The following PALS2 variants were observed in gnomAD, a reference collection of about 807,000 sequenced individuals.
PALS2 encodes protein PALS2.
A neutral mutation model predicts 61.6 loss-of-function variants in PALS2; 27 were observed. The ratio of observed to expected loss-of-function variants is 0.44; its 90% CI spans 0.32 to 0.60. The LOEUF (loss-of-function observed/expected upper bound fraction) is 0.60, where lower values mean the gene tolerates loss of function less well. Ranked by LOEUF, PALS2 falls within the 20% of genes least tolerant of loss-of-function variation. The probability of loss-of-function intolerance (pLI) is 0.05; values close to 1 mark genes in which losing one functional copy is unlikely to be tolerated. For synonymous variants in PALS2, 236 were observed against 218.6 expected (o/e 1.08, Z -0.70); for missense variants, 554 against 639.4 (o/e 0.87, Z 1.44).
At chr7:24,611,812 G>C (rs1005877344) in intron 1 of PALS2, among the ~76,000 whole-genome samples, 3 of 151,820 alleles carry the variant, frequency 2.0e-5, no homozygotes, top group Non-Finnish European at 3.0e-5. Context: ...GGTAATACTG[G>C]TATGTTTAAA....
intron 1 of PALS2, chr7:24,620,057 A>C (rs1262070100): frequency 6.6e-6 from 1 of 152,170 alleles, no homozygotes; most frequent in Non-Finnish European, 1.5e-5. Context: ...TATAGGACTA[A>C]ATCATTTTGC....
intron 5 of PALS2, among the ~76,000 whole-genome samples, chr7:24,659,268 A>G (rs1397881073): frequency 6.6e-6 from 1 of 152,132 alleles, no homozygotes; most frequent in Non-Finnish European, 1.5e-5. Flanking sequence ...GCCTAGGTTG[A>G]TTTCATATCT....
At chr7:24,667,797 T>G (rs1787105440) in intron 8 of PALS2, among the ~76,000 whole-genome samples, 1 of 151,590 alleles carries the variant, frequency 6.6e-6, no homozygotes. Context: ...CCTGAGTAGC[T>G]GGGACTACAG....
At chr7:24,594,854 C>G (rs1783439057) in intron 1 of PALS2, among the ~76,000 whole-genome samples, 1 of 152,082 alleles carries the variant, frequency 6.6e-6, no homozygotes, top group South Asian at 2.1e-4. Context: ...ATCATCATAA[C>G]TGGCATAATA....
At chr7:24,646,954 T>C (rs981937968) in intron 3 of PALS2, among the ~76,000 whole-genome samples, 1 of 152,124 alleles carries the variant, frequency 6.6e-6, no homozygotes, top group Non-Finnish European at 1.5e-5. Context: ...TTCATAGTAG[T>C]TTCTCATGGT....
At chr7:24,601,819 G>GCCCA (rs1490233256) in intron 1 of PALS2, among the ~76,000 whole-genome samples, 1 of 151,974 alleles carries the variant, frequency 6.6e-6, no homozygotes, top group Non-Finnish European at 1.5e-5. Context: ...TGTCATCATT[G>GCCCA]AGCCATTCAG....
At chr7:24,682,180 A>ATTT (rs1407834563) in intron 11 of PALS2, among the ~76,000 whole-genome samples, 60 of 152,234 alleles carry the variant, frequency 3.9e-4, no homozygotes, top group African/African-American at 1.3e-3. Context: ...ATCCCCACAA[A>ATTT]TAAGGCAAGA....
rs996920993 is a variant in PALS2, at chr7:24,596,010, C to T, written c.-3+22417C>T. Among the ~76,000 whole-genome samples the T allele has an allele frequency of 3.3e-5, 5 of 151,696 alleles. No individual in the cohort carries two copies. Among genetic ancestry groups the T allele is most frequent in the African/African-American group, 7.3e-5 (3 of 41,278 alleles). On this transcript the variant is annotated intron_variant, in intron 1 of 11. Coordinates refer to ENST00000222644, the MANE Select transcript of PALS2 (RefSeq NM_001303037.2). The surrounding 1 kb of genome is among the most constrained non-coding windows in gnomAD (Gnocchi z 4.5). ...AAGGGAAAGAGTTGGAGAAGTTGAA[C>T]GCAGAGAGGTACAGTGGGTGACAAA... is the stretch of plus-strand genomic sequence containing the variant.
rs1399923611 is a variant in PALS2 at position 24,619,138 on chromosome 7, A to G, written c.-2-4528A>G. Reference sequence around the variant, plus strand: ...AAATTTTGGTCTTTCGTGATCCATAATAGTTTACTCATACTTTCCTGCTCT... The same window carrying G: ...AAATTTTGGTCTTTCGTGATCCATAGTAGTTTACTCATACTTTCCTGCTCT... On this transcript the variant is annotated intron_variant, in intron 1 of 11. Coordinates refer to ENST00000222644, the MANE Select transcript of PALS2 (RefSeq NM_001303037.2). 2.6e-5 allele frequency among the ~76,000 whole-genome samples: 4 copies of G among 152,296 alleles called. No individual in the cohort carries two copies. In the East Asian group the frequency reaches 7.7e-4, roughly 29 times the overall value.
intron 2 of PALS2, among the ~76,000 whole-genome samples, chr7:24,626,160 TA>T (rs1784734366): frequency 6.6e-6 from 1 of 152,000 alleles, no homozygotes; most frequent in African/African-American, 2.4e-5. Flanking sequence ...AAAATCAGAA[TA>T]AAAAATAATC....
chr7:24,579,207 A>G (rs1360383498), intron 1 of PALS2, among the ~76,000 whole-genome samples: 1 of 152,220 alleles, frequency 6.6e-6, no homozygotes, highest in East Asian at 1.9e-4. Flanking sequence ...TACAAATATT[A>G]TAAATAAAAA....
chr7:24,617,205 C>T (rs1347760287), intron 1 of PALS2, among the ~76,000 whole-genome samples: 1 of 152,094 alleles, frequency 6.6e-6, no homozygotes, highest in Non-Finnish European at 1.5e-5. Context: ...TAATTTCATT[C>T]ATTGAATTCT....
In PALS2 at chr7:24,691,405, G is replaced by GTGTGTATA. The variant is rs1274329385; in HGVS notation, c.*3792_*3793insGTGTATAT. On this transcript the variant is annotated 3_prime_UTR_variant, in exon 12 of 12. Transcript: ENST00000222644. ...ATATTATGTATGTGTGTGTGTGTGT[G>GTGTGTATA]TATATATATATATATATATATATAT... is the stretch of plus-strand genomic sequence containing the variant. The GTGTGTATA allele has an allele frequency of 4.8e-3, 528 of 110,448 alleles. 2 individuals are homozygous for GTGTGTATA. The highest frequency in any genetic ancestry group is 7.1e-3 in the Non-Finnish European group (373 of 52,210). 6.8% of individuals were successfully genotyped at this position (110,448 alleles called of 1,614,324 possible).
intron 2 of PALS2, among the ~76,000 whole-genome samples, chr7:24,633,481 G>A (rs1239373307): frequency 8.3e-5 from 9 of 108,638 alleles, no homozygotes; most frequent in Admixed American, 2.5e-4. Context: ...CCCCCACCCC[G>A]ATGTTTCAGT....
At chr7:24,597,191 G>T in intron 1 of PALS2, 1 of 152,208 alleles carries the variant, frequency 6.6e-6, no homozygotes. Context: ...GTTGAAGAAA[G>T]GTGAGTGCTG....
At chr7:24,665,408 A>G (rs150746387) in intron 6 of PALS2, among the ~76,000 whole-genome samples, 180 bp from the exon 7 acceptor site, 23 of 152,298 alleles carry the variant, frequency 1.5e-4, no homozygotes, top group South Asian at 6.2e-4. Flanking sequence ...TTAGGTGCCA[A>G]TTGATTCTTC....
At chr7:24,593,971 A>G (rs56337524) in intron 1 of PALS2, among the ~76,000 whole-genome samples, 5,949 of 152,186 alleles carry the variant, frequency 0.039, 158 homozygotes, top group Non-Finnish European at 0.058. Context: ...ATGAAATCCT[A>G]TGTGGCTAAT....
At chr7:24,664,139 G>A (rs998974365) in intron 6 of PALS2, among the ~76,000 whole-genome samples, 12 of 152,114 alleles carry the variant, frequency 7.9e-5, no homozygotes, top group Admixed American at 1.3e-4. Flanking sequence ...TTCATAGCAA[G>A]TAAAGCATCA....
intron 1 of PALS2, among the ~76,000 whole-genome samples, chr7:24,595,922 G>T (rs1783507656): frequency 6.6e-6 from 1 of 151,754 alleles, no homozygotes; most frequent in South Asian, 2.1e-4. Flanking sequence ...ATGAGAGATG[G>T]GAGATGAACT....
Sources: allele counts gnomAD v4.1 joint callset (sites outside exome capture counted in the v4.1 genomes callset), GRCh38; gene constraint gnomAD v4.1.1; non-coding constraint Gnocchi (gnomAD v3.1); transcripts MANE v1.5; gene names NCBI Gene and HGNC (gene_info 2026-07-23, HGNC 2026-07-21).